The following TENM4 variants were observed in gnomAD, a reference collection of about 807,000 sequenced individuals.
The protein encoded by TENM4 is teneurin-4.
TENM4 carries 82 observed loss-of-function variants against 243.3 expected under a neutral mutation model. That is an observed-to-expected ratio of 0.34 (90% CI 0.28 to 0.40). The LOEUF (loss-of-function observed/expected upper bound fraction) is 0.40, where lower values mean the gene tolerates loss of function less well. Ranked by LOEUF, TENM4 falls within the 10% of genes least tolerant of loss-of-function variation. The pLI, the probability that TENM4 is intolerant of heterozygous loss-of-function variation, is 1.00. For synonymous variants in TENM4, 1,412 were observed against 1,456.3 expected, an observed-to-expected ratio of 0.97 and a Z score of 0.69; for missense variants, 3,138 against 3,673.3, an observed-to-expected ratio of 0.85 and a Z score of 3.77.
At chr11:79,191,681 G>A (rs2135165902) in intron 3 of TENM4, 1 of 193,090 alleles carries the variant, frequency 5.2e-6, no homozygotes, top group Non-Finnish European at 1.1e-5. Context: ...TAGGAAGTGA[G>A]GAGCGTCTCT....
At chr11:78,735,144 G>T (rs914048708) in intron 20 of TENM4, among the ~76,000 whole-genome samples, 1 of 152,126 alleles carries the variant, frequency 6.6e-6, no homozygotes, top group Admixed American at 6.5e-5. Flanking sequence ...CCCAGATTTG[G>T]GGCTCCAAGC....
At chr11:79,190,347 A>G (rs1315534728) in intron 3 of TENM4, among the ~76,000 whole-genome samples, 1 of 152,200 alleles carries the variant, frequency 6.6e-6, no homozygotes, top group East Asian at 1.9e-4. Flanking sequence ...CCTTGGTAAG[A>G]GGCTTAAGTG....
intron 6 of TENM4, among the ~76,000 whole-genome samples, chr11:78,970,417 C>A (rs1308842363): frequency 6.6e-6 from 1 of 152,144 alleles, no homozygotes; most frequent in Non-Finnish European, 1.5e-5. Flanking sequence ...TCAGTGACAG[C>A]CCCGATTTAC....
intron 6 of TENM4, among the ~76,000 whole-genome samples, chr11:78,921,516 T>A (rs1286749637): frequency 6.6e-6 from 1 of 152,222 alleles, no homozygotes; most frequent in Non-Finnish European, 1.5e-5. Flanking sequence ...ACACAGACAC[T>A]TCCTTCCTGA....
At chr11:79,222,690 C>G (rs1318410422) in intron 2 of TENM4, among the ~76,000 whole-genome samples, 1 of 152,168 alleles carries the variant, frequency 6.6e-6, no homozygotes, top group Admixed American at 6.5e-5. Context: ...ATTTTAATAA[C>G]TGCCGTCTGA....
chr11:78,793,130 A>G (rs1006627247), intron 15 of TENM4, among the ~76,000 whole-genome samples: 5 of 152,192 alleles, frequency 3.3e-5, no homozygotes, highest in Admixed American at 1.3e-4. Flanking sequence ...GTCTGGACTT[A>G]CTTTACAATC....
chr11:79,014,309 T>C (rs1858719110), intron 6 of TENM4, among the ~76,000 whole-genome samples: 1 of 152,072 alleles, frequency 6.6e-6, no homozygotes, highest in South Asian at 2.1e-4. Context: ...TCCCCACACC[T>C]CCCTGGTGAT....
Position 78,805,323 on chromosome 11 carries a change from G to C in TENM4, c.2148C>G (p.Asp716Glu), listed in dbSNP as rs1385603403. 3 of 1,036,300 alleles carry C rather than the reference G, an allele frequency of 2.9e-6. No individual in the cohort carries two copies. The African/African-American group carries it at 1.3e-4, about 45-fold the overall frequency. 64.2% of individuals were successfully genotyped at this position (1,036,300 alleles called of 1,614,324 possible). ...AACAGTCGTGTCCAGTCCAGCTTGG[G>C]TCACAGCTGCAAAGCCCGGTGTCCG... is the stretch of plus-strand genomic sequence containing the variant. ...FLPDTGLCSCDPSWTGHDCSI... is the reference protein window; with the variant it reads ...FLPDTGLCSCEPSWTGHDCSI... The change falls in exon 15 of 34, where the codon GAC (aspartate) becomes GAG (glutamate). Residue 716 changes from aspartate to glutamate, a missense_variant. By Grantham distance (45) the Asp-to-Glu change is conservative. This residue lies in a region of TENM4 where 2,467 missense variants were observed against 3,059.1 expected (regional missense o/e 0.81). Coordinates refer to ENST00000278550, the MANE Select transcript of TENM4 (RefSeq NM_001098816.3).
At chr11:78,822,873 G>C (rs771734276) in intron 12 of TENM4, among the ~76,000 whole-genome samples, 6 of 152,204 alleles carry the variant, frequency 3.9e-5, no homozygotes, top group Admixed American at 2.0e-4. Context: ...GAGGGCAGAG[G>C]GGGAGACGTT....
intron 6 of TENM4, among the ~76,000 whole-genome samples, chr11:79,059,699 T>TTTCATTA (rs1431169411): frequency 6.6e-6 from 1 of 152,234 alleles, no homozygotes; most frequent in Non-Finnish European, 1.5e-5. Context: ...CTCTGAACTT[T>TTTCATTA]TTCATTATCC....
intron 1 of TENM4, among the ~76,000 whole-genome samples, chr11:79,300,375 T>C (rs945764403): frequency 6.6e-6 from 1 of 152,250 alleles, no homozygotes; most frequent in African/African-American, 2.4e-5. Context: ...TAAATGGTTA[T>C]GTAGATTTAT....
chr11:79,171,855 C>T (rs1863052646), intron 3 of TENM4, among the ~76,000 whole-genome samples: 1 of 152,234 alleles, frequency 6.6e-6, no homozygotes, highest in South Asian at 2.1e-4. Flanking sequence ...ACTTCCCCAA[C>T]AATTCTCTAA....
At chr11:79,115,510 A>G (rs542341602) in intron 4 of TENM4, among the ~76,000 whole-genome samples, 59 of 151,850 alleles carry the variant, frequency 3.9e-4, no homozygotes, top group Non-Finnish European at 7.8e-4. Context: ...CTGATGCTCT[A>G]CCCTCCCCTG....
intron 3 of TENM4, among the ~76,000 whole-genome samples, chr11:79,175,078 C>T (rs1364981062): frequency 6.6e-6 from 1 of 152,190 alleles, no homozygotes; most frequent in African/African-American, 2.4e-5. Context: ...CTGTCCCCAT[C>T]AGACTTCTTG....
chr11:78,937,491 C>T (rs1856809904), intron 6 of TENM4, among the ~76,000 whole-genome samples: 1 of 152,210 alleles, frequency 6.6e-6, no homozygotes, highest in Admixed American at 6.5e-5. Context: ...CAAGGAATCT[C>T]TTCCACCTTA....
chr11:78,729,613 A>C lies in TENM4; in HGVS notation c.3169T>G (p.Cys1057Gly), dbSNP rs747930397. Reference protein sequence around the residue: ...ALQEEISISGCKMRLSYLSSR... With the variant: ...ALQEEISISGGKMRLSYLSSR... ...CTCAGGTAGCTCAGCCTCATCTTGC[A>C]GCCAGAGATAGAGATTTCCTCCTGC... Residue 1057 changes from cysteine (C) to glycine (G), a missense_variant, in exon 22 of 34, where the codon TGC (cysteine) becomes GGC (glycine). By Grantham distance (159) the Cys-to-Gly change is radical. Coordinates refer to ENST00000278550, the MANE Select transcript of TENM4 (RefSeq NM_001098816.3). The C allele has an allele frequency of 1.2e-6, 2 of 1,612,664 alleles. No individual in the cohort carries two copies. Among genetic ancestry groups the C allele is most frequent in the South Asian group, 1.1e-5 (1 of 90,946 alleles).
At chr11:79,006,668 G>A (rs988215772) in intron 6 of TENM4, among the ~76,000 whole-genome samples, 6 of 152,118 alleles carry the variant, frequency 3.9e-5, no homozygotes, top group Admixed American at 3.9e-4. Flanking sequence ...TAGATATACA[G>A]GCACAGGCCT....
At chr11:79,122,148 C>CT (rs989015621) in intron 4 of TENM4, among the ~76,000 whole-genome samples, 1 of 152,130 alleles carries the variant, frequency 6.6e-6, no homozygotes, top group Non-Finnish European at 1.5e-5. Context: ...TACAGTGGGC[C>CT]TTGAGGTTCC....
chr11:79,162,702 A>C (rs1252944621), intron 3 of TENM4, among the ~76,000 whole-genome samples: 2 of 152,164 alleles, frequency 1.3e-5, no homozygotes, highest in East Asian at 1.9e-4. Context: ...CTGGCTGCCC[A>C]GTCACCCATC....
Sources: gnomAD v4.1 joint callset for allele counts (sites outside exome capture counted in the v4.1 genomes callset) on GRCh38, gnomAD v4.1.1 for gene constraint, gnomAD v4.1.1 regional missense constraint, MANE v1.5 for transcripts, NCBI Gene and HGNC (gene_info 2026-07-23, HGNC 2026-07-21) for gene names.